Variants in PRMT3 observed in about 807,000 individuals in gnomAD.
The protein encoded by PRMT3 is protein arginine methyltransferase 3.
In PRMT3, 62 loss-of-function variants were observed where a neutral mutation model predicts 71.9. The ratio of observed to expected loss-of-function variants is 0.86; its 90% CI spans 0.70 to 1.07. The LOEUF is 1.07. Among genes scored for constraint, PRMT3 ranks in the 50% least tolerant of loss-of-function variants. The probability of loss-of-function intolerance (pLI) is 0.00; values close to 1 mark genes in which losing one functional copy is unlikely to be tolerated. For synonymous variants in PRMT3, 213 were observed against 220.4 expected, an observed-to-expected ratio of 0.97 and a Z score of 0.30; for missense variants, 663 against 643.0, an observed-to-expected ratio of 1.03 and a Z score of -0.34.
In PRMT3 at chr11:20,508,649, G is replaced by A. The variant is rs768112245; in HGVS notation, c.*236G>A. 10 of 625,758 alleles carry A rather than the reference G, an allele frequency of 1.6e-5. No individual in the cohort carries two copies. The highest frequency in any genetic ancestry group is 3.2e-5 in the East Asian group (1 of 30,800). 38.8% of individuals were successfully genotyped at this position (625,758 alleles called of 1,614,324 possible). Reference sequence around the variant, plus strand: ...ATTTTCTTAGACGTTTGCTCCACCAGATTTAACCAAATGTAACTCCCACAT... The same window carrying A: ...ATTTTCTTAGACGTTTGCTCCACCAAATTTAACCAAATGTAACTCCCACAT... On this transcript the variant is annotated 3_prime_UTR_variant, in exon 16 of 16. Coordinates refer to ENST00000331079, the MANE Select transcript of PRMT3 (RefSeq NM_005788.4).
intron 15 of PRMT3, among the ~76,000 whole-genome samples, chr11:20,498,566 TCAAAATA>T (rs1399405929): frequency 6.6e-6 from 1 of 151,948 alleles, no homozygotes; most frequent in Non-Finnish European, 1.5e-5. Flanking sequence ...CCATCTCTAC[TCAAAATA>T]CAAAAAATTA....
chr11:20,462,895 T>A (rs1271533924), intron 12 of PRMT3, among the ~76,000 whole-genome samples: 5 of 149,072 alleles, frequency 3.4e-5, no homozygotes, highest in African/African-American at 1.2e-4. Flanking sequence ...AAAAAGAGTC[T>A]CACTCTGTCG....
At position 20,397,304 on chromosome 11, in the gene PRMT3, T is replaced by C. The variant is rs531471301; in HGVS notation, c.561-273T>C. Among the ~76,000 whole-genome samples the C allele has an allele frequency of 5.3e-5, 8 of 152,342 alleles. No homozygotes were observed. In the South Asian group the frequency reaches 1.7e-3, roughly 32 times the overall value. On this transcript the variant is annotated intron_variant, in intron 6 of 15. Transcript: ENST00000331079. ...AAATAATAGAGGATTATAAAAGTAA[T>C]ATGCTTATTTGTTCAGTTGAAAGAC...
At chr11:20,415,116 C>G (rs1197690692) in intron 9 of PRMT3, among the ~76,000 whole-genome samples, 4 of 150,792 alleles carry the variant, frequency 2.7e-5, no homozygotes, top group Non-Finnish European at 4.4e-5. Flanking sequence ...GATGCTACTT[C>G]ATATTTTGTT....
intron 10 of PRMT3, among the ~76,000 whole-genome samples, chr11:20,448,687 T>C (rs1052970218): frequency 6.6e-6 from 1 of 152,162 alleles, no homozygotes; most frequent in Non-Finnish European, 1.5e-5. Context: ...TTATCACTAA[T>C]GTATCTAATC....
intron 10 of PRMT3, among the ~76,000 whole-genome samples, chr11:20,435,718 A>G (rs1048188558): frequency 6.6e-5 from 10 of 152,186 alleles, no homozygotes; most frequent in Non-Finnish European, 1.3e-4. Context: ...TTTTATGCCA[A>G]TATCATGCTG....
chr11:20,403,841 T>C (rs1428822931), intron 8 of PRMT3, among the ~76,000 whole-genome samples: 1 of 152,234 alleles, frequency 6.6e-6, no homozygotes, highest in Admixed American at 6.5e-5. Context: ...CTTTCATCTC[T>C]CTAAGGTTAC....
intron 10 of PRMT3, among the ~76,000 whole-genome samples, chr11:20,441,162 T>G (rs900720749): frequency 2.6e-5 from 4 of 151,906 alleles, no homozygotes; most frequent in Non-Finnish European, 4.4e-5. Context: ...TATGGTCGTT[T>G]TATACTGCCT....
chr11:20,389,685 A>C (rs1848670337), intron 2 of PRMT3, 59 bp from the exon 3 acceptor site: 1 of 1,188,992 alleles, frequency 8.4e-7, no homozygotes, highest in Admixed American at 2.0e-5. Context: ...ATGTAACATG[A>C]AATCAGTATT....
At chr11:20,408,812 G>A (rs2133324306) in intron 9 of PRMT3, among the ~76,000 whole-genome samples, 1 of 152,242 alleles carries the variant, frequency 6.6e-6, no homozygotes, top group Admixed American at 6.5e-5. Context: ...GATTAATGTT[G>A]GCCAGGCATG....
rs114449652 is a variant in PRMT3, at chr11:20,453,386, A to G, written c.1072+1178A>G. 6.9e-3 allele frequency among the ~76,000 whole-genome samples: 1,044 copies of G among 151,192 alleles called. 16 individuals are homozygous for G. The highest frequency in any genetic ancestry group is 0.024 in the African/African-American group (990 of 41,202). ...GGTGGCAGGTGCCTATAGTCCCGAC[A>G]GGAGAATTGCTTGAACCCGGGAGGC... is the stretch of plus-strand genomic sequence containing the variant. On this transcript the variant is annotated intron_variant, in intron 11 of 15. Coordinates refer to ENST00000331079, the MANE Select transcript of PRMT3 (RefSeq NM_005788.4).
At chr11:20,431,724 T>C (rs1182733796) in intron 10 of PRMT3, among the ~76,000 whole-genome samples, 3 of 152,250 alleles carry the variant, frequency 2.0e-5, no homozygotes, top group Middle Eastern at 3.4e-3. Context: ...ATGTGAGTTA[T>C]TGGGATTTGG....
In PRMT3 at chr11:20,508,910, A is replaced by G. The variant is rs1425886410; in HGVS notation, c.*497A>G. On this transcript the variant is annotated 3_prime_UTR_variant, in exon 16 of 16. Coordinates refer to ENST00000331079, the MANE Select transcript of PRMT3 (RefSeq NM_005788.4). Reference sequence around the variant, plus strand: ...TAATAAAGATTTGTATAAAAAAACTAAAATATGGAAAAGAGCTTCAGCCTT... The same window carrying G: ...TAATAAAGATTTGTATAAAAAAACTGAAATATGGAAAAGAGCTTCAGCCTT... 5.3e-6 allele frequency: 1 copy of G among 190,134 alleles called. No homozygotes were observed. Among genetic ancestry groups the G allele is most frequent in the Non-Finnish European group, 1.1e-5 (1 of 89,252 alleles). The allele number at this position is 190,134 out of a possible 1,614,324, so 11.8% of individuals were successfully genotyped here.
chr11:20,507,555 G>A (rs903438448), intron 15 of PRMT3, among the ~76,000 whole-genome samples: 2 of 151,482 alleles, frequency 1.3e-5, no homozygotes, highest in African/African-American at 2.4e-5. Context: ...GTAGGTGAGC[G>A]CATCACCTGA....
chr11:20,486,170 T>A (rs938929547), intron 13 of PRMT3, among the ~76,000 whole-genome samples: 1 of 152,200 alleles, frequency 6.6e-6, no homozygotes, highest in Non-Finnish European at 1.5e-5. Flanking sequence ...AGACACAGAC[T>A]GGGCAAGAAG....
At chr11:20,398,122 C>T (rs1033822267) in intron 7 of PRMT3, among the ~76,000 whole-genome samples, 8 of 149,758 alleles carry the variant, frequency 5.3e-5, no homozygotes, top group South Asian at 2.1e-4. Context: ...ATTGGAAAAA[C>T]GACAATTTTA....
chr11:20,406,628 A>C (rs1849077113), intron 8 of PRMT3: 1 of 152,204 alleles, frequency 6.6e-6, no homozygotes, highest in Non-Finnish European at 1.5e-5. Context: ...GATATCTCTT[A>C]GGGGCCATGC....
At chr11:20,465,855 A>G (rs778803037) in intron 13 of PRMT3, among the ~76,000 whole-genome samples, 6 of 152,150 alleles carry the variant, frequency 3.9e-5, no homozygotes, top group Admixed American at 1.3e-4. Context: ...AAATTAGGCT[A>G]AAGGCTAACT....
intron 9 of PRMT3, among the ~76,000 whole-genome samples, chr11:20,417,367 TTTC>T (rs1171015828): frequency 1.3e-5 from 2 of 152,210 alleles, no homozygotes; most frequent in Non-Finnish European, 2.9e-5. Context: ...AGGATATTCC[TTTC>T]TTCTCCCCCA....
Sources: allele counts gnomAD v4.1 joint callset (sites outside exome capture counted in the v4.1 genomes callset), GRCh38; gene constraint gnomAD v4.1.1; transcripts MANE v1.5; gene names NCBI Gene and HGNC (gene_info 2026-07-23, HGNC 2026-07-21).